The following PDE4B variants were observed in gnomAD, a reference collection of about 807,000 sequenced individuals.
PDE4B encodes the protein phosphodiesterase 4B.
Under a neutral mutation model 82.2 loss-of-function variants are expected in PDE4B, and 20 were observed. The ratio of observed to expected loss-of-function variants is 0.24; its 90% confidence interval spans 0.17 to 0.35. The LOEUF is 0.35. PDE4B is among the 10% of genes least tolerant of loss of function. PDE4B has a pLI of 1.00. For synonymous variants in PDE4B, 320 were observed against 318.9 expected (o/e 1.00, Z -0.04); for missense variants, 655 against 907.2 (o/e 0.72, Z 3.57).
At chr1:66,008,756 T>C (rs1652299702) in intron 3 of PDE4B, among the ~76,000 whole-genome samples, 1 of 152,082 alleles carries the variant, frequency 6.6e-6, no homozygotes, top group South Asian at 2.1e-4. Flanking sequence ...TGACATTCCA[T>C]GTGCCAAATA....
intron 3 of PDE4B, among the ~76,000 whole-genome samples, chr1:65,933,200 A>G (rs1461377663): frequency 6.6e-6 from 1 of 152,216 alleles, no homozygotes; most frequent in Non-Finnish European, 1.5e-5. Context: ...TTTTCAAAGT[A>G]GCAACAGAAA....
intron 3 of PDE4B, among the ~76,000 whole-genome samples, chr1:66,200,454 G>T (rs571752353): frequency 6.6e-6 from 1 of 152,124 alleles, no homozygotes; most frequent in Non-Finnish European, 1.5e-5. Context: ...CCATTTTCAC[G>T]ATATTGATTC....
At chr1:66,300,453 T>A (rs1437446587) in intron 7 of PDE4B, among the ~76,000 whole-genome samples, 1 of 152,132 alleles carries the variant, frequency 6.6e-6, no homozygotes, top group Admixed American at 6.6e-5. Flanking sequence ...CTTTATTGAC[T>A]GTGGACTGTT....
intron 7 of PDE4B, among the ~76,000 whole-genome samples, chr1:66,292,967 C>T (rs184927788): frequency 1.8e-3 from 269 of 152,268 alleles, no homozygotes; most frequent in African/African-American, 6.4e-3. Context: ...AGTTGAAAAA[C>T]AAACCCAGCT....
At chr1:65,838,500 TAC>T (rs1192793967) in intron 1 of PDE4B, among the ~76,000 whole-genome samples, 19 of 148,228 alleles carry the variant, frequency 1.3e-4, no homozygotes, top group African/African-American at 3.7e-4. Flanking sequence ...TGTATATATA[TAC>T]GTATATGTAT....
chr1:66,319,338 C>T lies in PDE4B; in HGVS notation c.635-13170C>T, dbSNP rs147450321. Among the ~76,000 whole-genome samples, 22 of 152,294 alleles carry T rather than the reference C, an allele frequency of 1.4e-4. No individual in the cohort carries two copies. In the East Asian group the frequency reaches 4.2e-3, roughly 29 times the overall value. ...TCACTGACTCTTGAAATTCCTTCGA[C>T]CATTTTCATTCTACAAATAAAGATA... On this transcript the variant is annotated intron_variant, in intron 7 of 16. Transcript: ENST00000341517.
chr1:66,103,992 G>C, intron 3 of PDE4B, among the ~76,000 whole-genome samples: 1 of 151,726 alleles, frequency 6.6e-6, no homozygotes, highest in Non-Finnish European at 1.5e-5. Context: ...CAATGTGCAG[G>C]TTAGTTACAT....
intron 1 of PDE4B, among the ~76,000 whole-genome samples, chr1:65,856,078 A>C (rs1396721781): frequency 6.6e-6 from 1 of 152,174 alleles, no homozygotes; most frequent in East Asian, 1.9e-4. Context: ...TTTTATGACC[A>C]AAATATGCCT....
intron 3 of PDE4B, among the ~76,000 whole-genome samples, chr1:65,920,136 C>T (rs995745607): frequency 6.6e-5 from 10 of 152,156 alleles, no homozygotes; most frequent in East Asian, 1.9e-4. Flanking sequence ...TGTATAATTA[C>T]GGATTTGGAG....
At position 66,354,669 on chromosome 1, in the gene PDE4B, G is replaced by A. The variant is rs1570758513; in HGVS notation, c.748-858G>A. ...GCTTCTTGCAAGAATGGAGTGCGAAGATGGGCTTTGTTTGGCTTAGGAAAT... is the reference window on the plus strand; with the variant it reads ...GCTTCTTGCAAGAATGGAGTGCGAAAATGGGCTTTGTTTGGCTTAGGAAAT... On this transcript the variant is annotated intron_variant, in intron 8 of 16. Coordinates refer to ENST00000341517, the MANE Select transcript of PDE4B (RefSeq NM_002600.4). 16 of 1,406,732 alleles carry A rather than the reference G, an allele frequency of 1.1e-5. No individual in the cohort carries two copies. In the East Asian group the frequency reaches 4.1e-4, roughly 36 times the overall value. The allele number at this position is 1,406,732 out of a possible 1,614,324, so 87.1% of individuals were successfully genotyped here. A position where few individuals can be genotyped will look rare whatever the true frequency, so the allele number is the denominator to read the frequency against.
At chr1:65,805,555 C>T (rs1294080098) in intron 1 of PDE4B, among the ~76,000 whole-genome samples, 1 of 151,940 alleles carries the variant, frequency 6.6e-6, no homozygotes, top group African/African-American at 2.4e-5. Context: ...TTTTAAACCT[C>T]TTTCCTACAG....
At chr1:66,019,486 G>A (rs905449212) in intron 3 of PDE4B, among the ~76,000 whole-genome samples, 1 of 151,098 alleles carries the variant, frequency 6.6e-6, no homozygotes, top group African/African-American at 2.4e-5. Flanking sequence ...CTCCTGAGTA[G>A]CTGGGACTAC....
intron 8 of PDE4B, among the ~76,000 whole-genome samples, chr1:66,353,502 A>G (rs368295050): frequency 1.3e-4 from 20 of 152,360 alleles, no homozygotes; most frequent in African/African-American, 4.6e-4. Context: ...AAAAGAGCCA[A>G]TTGCAAGTTG....
At chr1:66,020,821 G>T (rs978684485) in intron 3 of PDE4B, among the ~76,000 whole-genome samples, 1 of 152,156 alleles carries the variant, frequency 6.6e-6, no homozygotes, top group Non-Finnish European at 1.5e-5. Flanking sequence ...AATCCTTTGG[G>T]TATATGCCCA....
At chr1:65,868,836 G>A (rs780391543) in intron 1 of PDE4B, among the ~76,000 whole-genome samples, 20 of 152,156 alleles carry the variant, frequency 1.3e-4, no homozygotes, top group Non-Finnish European at 2.8e-4. Flanking sequence ...CTGTGCATGC[G>A]AGGGATCTAG....
chr1:66,370,652 C>A (rs1163975345), intron 16 of PDE4B, among the ~76,000 whole-genome samples: 1 of 152,218 alleles, frequency 6.6e-6, no homozygotes, highest in African/African-American at 2.4e-5. Context: ...ATACAGCTCT[C>A]TCGTCCTGTG....
chr1:66,227,298 G>C (rs999290987), intron 3 of PDE4B, among the ~76,000 whole-genome samples: 2 of 152,160 alleles, frequency 1.3e-5, no homozygotes, highest in African/African-American at 4.8e-5. Context: ...ACTGGTTCAG[G>C]AGTAAAAAGA....
At chr1:66,269,007 A>G (rs1408090171) in intron 7 of PDE4B, among the ~76,000 whole-genome samples, 1 of 152,224 alleles carries the variant, frequency 6.6e-6, no homozygotes, top group African/African-American at 2.4e-5. Flanking sequence ...GTAAGAACAC[A>G]GTAAGTGTTG....
chr1:66,263,697 C>G (rs1027308289), intron 6 of PDE4B, among the ~76,000 whole-genome samples: 13 of 152,110 alleles, frequency 8.5e-5, no homozygotes, highest in Non-Finnish European at 1.3e-4. Context: ...AATAAAGCAC[C>G]ATGAGAGATT....
Sources: allele counts gnomAD v4.1 joint callset (sites outside exome capture counted in the v4.1 genomes callset), GRCh38; gene constraint gnomAD v4.1.1; transcripts MANE v1.5; gene names NCBI Gene and HGNC (gene_info 2026-07-23, HGNC 2026-07-21).